Variants in NRCAM observed in about 807,000 individuals in gnomAD.
NRCAM encodes neuronal cell adhesion molecule.
Under a neutral mutation model 156.5 loss-of-function variants are expected in NRCAM, and 83 were observed. The observed-to-expected ratio is 0.53, with a 90% confidence interval of 0.44 to 0.64. The LOEUF is 0.64. Among genes scored for constraint, NRCAM ranks in the 30% least tolerant of loss-of-function variants. The pLI is 0.00. For missense variants in NRCAM, 1,417 were observed against 1,597.3 expected (o/e 0.89, Z 1.92); for synonymous variants, 538 against 563.9 (o/e 0.95, Z 0.65).
chr7:108,175,165 G>A (rs1174756928), intron 28 of NRCAM, among the ~76,000 whole-genome samples, 157 bp downstream of exon 28: 1 of 152,162 alleles, frequency 6.6e-6, no homozygotes, highest in African/African-American at 2.4e-5. Flanking sequence ...TGTAAAGAAA[G>A]GACTAGAAAT....
chr7:108,200,502 G>A (rs1331823716), intron 13 of NRCAM, among the ~76,000 whole-genome samples: 2 of 152,130 alleles, frequency 1.3e-5, no homozygotes, highest in Admixed American at 1.3e-4. Context: ...CCCAAGTCTT[G>A]TATGACTGGG....
chr7:108,330,598 T>C (rs1488284103), intron 2 of NRCAM, among the ~76,000 whole-genome samples: 1 of 152,136 alleles, frequency 6.6e-6, no homozygotes, highest in African/African-American at 2.4e-5. Flanking sequence ...AACAGGCTCC[T>C]CACAATCTAT....
intron 3 of NRCAM, among the ~76,000 whole-genome samples, chr7:108,246,459 G>A (rs555643008): frequency 6.6e-6 from 1 of 152,202 alleles, no homozygotes; most frequent in Non-Finnish European, 1.5e-5. Context: ...CAGCGGTTTG[G>A]AGCAGGAACA....
At chr7:108,335,416 G>A (rs2099168939) in intron 2 of NRCAM, among the ~76,000 whole-genome samples, 1 of 128,668 alleles carries the variant, frequency 7.8e-6, no homozygotes, top group Non-Finnish European at 1.6e-5. Context: ...TTCATGTCCT[G>A]TGGATCTGTT....
intron 3 of NRCAM, among the ~76,000 whole-genome samples, chr7:108,299,574 T>A (rs1482410494): frequency 1.3e-5 from 2 of 152,212 alleles, no homozygotes; most frequent in African/African-American, 4.8e-5. Flanking sequence ...TTGCACCTAT[T>A]TATTCTCTGC....
At chr7:108,385,902 A>AGAGAGAGGGAGGGAGGGAGGGAGG (rs2099739203) in intron 2 of NRCAM, among the ~76,000 whole-genome samples, 1 of 121,398 alleles carries the variant, frequency 8.2e-6, no homozygotes, top group Admixed American at 8.7e-5. Flanking sequence ...CTGTCTATGG[A>AGAGAGAGGGAGGGAGGGAGGGAGG]GAGAGAGGGA....
At chr7:108,389,381 C>T (rs1453676946) in intron 2 of NRCAM, among the ~76,000 whole-genome samples, 1 of 152,116 alleles carries the variant, frequency 6.6e-6, no homozygotes, top group African/African-American at 2.4e-5. Flanking sequence ...TATAGGAATG[C>T]TTGTGATTTT....
chr7:108,384,005 A>AAGGATAAT (rs2099721695), intron 2 of NRCAM, among the ~76,000 whole-genome samples: 2 of 152,146 alleles, frequency 1.3e-5, no homozygotes, highest in South Asian at 4.1e-4. Context: ...TTAGTTCACC[A>AAGGATAAT]AGGATAATAG....
At chr7:108,176,708 T>C (rs1428405654) in intron 26 of NRCAM, 102 bp from the exon 27 acceptor site, 17 of 865,368 alleles carry the variant, frequency 2.0e-5, no homozygotes, top group East Asian at 1.9e-4. Flanking sequence ...CTGGCTTACA[T>C]TGACTTTTAT....
rs568313744 is a variant in NRCAM, at chr7:108,259,581, A to T, written c.-106-19411T>A. 2.5e-3 allele frequency among the ~76,000 whole-genome samples: 383 copies of T among 152,332 alleles called. 5 individuals are homozygous for T. The highest frequency in any genetic ancestry group is 3.7e-3 in the Non-Finnish European group (254 of 68,026). ...CAGCACTATTCACAATAGCAAGGAG[A>T]TGGAATCAACCCAAATGTCCATCAG... On this transcript the variant is annotated intron_variant, in intron 3 of 32. Coordinates refer to ENST00000379028, the MANE Select transcript of NRCAM (RefSeq NM_001037132.4).
intron 3 of NRCAM, among the ~76,000 whole-genome samples, chr7:108,269,886 G>A (rs1289929617): frequency 6.6e-6 from 1 of 152,146 alleles, no homozygotes; most frequent in Non-Finnish European, 1.5e-5. Flanking sequence ...AAATTTTCTA[G>A]CCATGTAAAA....
At position 108,284,501 on chromosome 7, in the gene NRCAM, G is replaced by A. The variant is rs117709557; in HGVS notation, c.-107+28164C>T. Among the ~76,000 whole-genome samples, 192 of 152,184 alleles carry A rather than the reference G, an allele frequency of 1.3e-3. 4 individuals are homozygous for A. In the East Asian group the frequency reaches 0.031, roughly 25 times the overall value. ...TAATCACATGACTCCTCTGCTCAGGGCCCTGCGGTTCCCAAGTTAATGTTC... is the reference window on the plus strand; with the variant it reads ...TAATCACATGACTCCTCTGCTCAGGACCCTGCGGTTCCCAAGTTAATGTTC... On this transcript the variant is annotated intron_variant, in intron 3 of 32. Coordinates refer to ENST00000379028, the MANE Select transcript of NRCAM (RefSeq NM_001037132.4).
rs566525831 is a variant in NRCAM, at chr7:108,162,388, C to G, written c.3467-1896G>C. Among the ~76,000 whole-genome samples, 5 of 152,298 alleles carry G rather than the reference C, an allele frequency of 3.3e-5. No individual in the cohort carries two copies. The East Asian group carries it at 9.6e-4, about 29-fold the overall frequency. ...TAATGCCTGGTCTGTGCTTTTTCTT[C>G]AAAACTGAACCAAAAACCAAATGGC... is the stretch of plus-strand genomic sequence containing the variant. On this transcript the variant is annotated intron_variant, in intron 30 of 32. Transcript: ENST00000379028.
rs1484376686 is a variant in NRCAM, at chr7:108,150,654, TTTG to T, written c.3678-510_3678-508del. 6 of 509,236 alleles carry T rather than the reference TTTG, an allele frequency of 1.2e-5. No homozygotes were observed. The Admixed American group carries it at 1.2e-4, about 10-fold the overall frequency. 31.5% of individuals were successfully genotyped at this position (509,236 alleles called of 1,614,324 possible). A position where few individuals can be genotyped will look rare whatever the true frequency, so the allele number is the denominator to read the frequency against. On this transcript the variant is annotated intron_variant, in intron 32 of 32. Transcript: ENST00000379028. The stretch of plus-strand genomic sequence containing the variant: ...AGCAAAATCCTGCATTTCAAATAAT[TTTG>T]TTATCAATGCAGGCCAGACTGTAAA...
chr7:108,180,385 G>A lies in NRCAM; in HGVS notation c.2689C>T (p.Arg897Cys). The A allele has an allele frequency of 1.9e-6, 3 of 1,614,174 alleles. No homozygotes were observed. The highest frequency in any genetic ancestry group is 2.5e-6 in the Non-Finnish European group (3 of 1,179,998). Residue 897 changes from arginine to cysteine, a missense_variant, in exon 25 of 33, where the codon CGT becomes TGT. Arg to Cys is a radical substitution (Grantham distance 180). Transcript: ENST00000379028. ...KTQSSSKRNR[R>C]HIEKKILTFQ... ...GTGAGGATCTTTTTCTCAATGTGACGTCTGTTTCTTTTAGATGAACTCTGG... is the reference window on the plus strand; with the variant it reads ...GTGAGGATCTTTTTCTCAATGTGACATCTGTTTCTTTTAGATGAACTCTGG...
At chr7:108,440,243 A>G (rs1598170300) in intron 1 of NRCAM, among the ~76,000 whole-genome samples, 1 of 152,196 alleles carries the variant, frequency 6.6e-6, no homozygotes, top group African/African-American at 2.4e-5. Flanking sequence ...CAGACACAAA[A>G]GATTCTATAG....
rs190994702 is a variant in NRCAM, at chr7:108,380,288, T to C, written c.-174+19148A>G. On this transcript the variant is annotated intron_variant, in intron 2 of 32. Coordinates refer to ENST00000379028, the MANE Select transcript of NRCAM (RefSeq NM_001037132.4). ...AAATATTTAAAGTTATGTAACAATT[T>C]AGAAGGAGTTTACCTATTATTTTCT... is the stretch of plus-strand genomic sequence containing the variant. Among the ~76,000 whole-genome samples, 46 of 152,312 alleles carry C rather than the reference T, an allele frequency of 3.0e-4. No individual in the cohort carries two copies. The East Asian group carries it at 7.5e-3, about 25-fold the overall frequency.
At chr7:108,426,435 C>A (rs1332732214) in intron 1 of NRCAM, among the ~76,000 whole-genome samples, 1 of 152,184 alleles carries the variant, frequency 6.6e-6, no homozygotes, top group African/African-American at 2.4e-5. Flanking sequence ...ATAAAGCATT[C>A]AAATGCCTAA....
Position 108,446,940 on chromosome 7 carries a change from G to A in NRCAM, c.-332+9303C>T, listed in dbSNP as rs562732614. ...AGATGGGGTTTCACCATGTTGGCCAGGCTGGTCTCAAATTCCCGACCTCAA... is the reference window on the plus strand; with the variant it reads ...AGATGGGGTTTCACCATGTTGGCCAAGCTGGTCTCAAATTCCCGACCTCAA... On this transcript the variant is annotated intron_variant, in intron 1 of 32. Coordinates refer to ENST00000379028, the MANE Select transcript of NRCAM (RefSeq NM_001037132.4). Among the ~76,000 whole-genome samples the A allele has an allele frequency of 3.8e-4, 57 of 151,946 alleles. No homozygotes were observed. The Middle Eastern group carries it at 0.031, about 82-fold the overall frequency.
Sources: gnomAD v4.1 joint callset for allele counts (sites outside exome capture counted in the v4.1 genomes callset) on GRCh38, gnomAD v4.1.1 for gene constraint, MANE v1.5 for transcripts, NCBI Gene and HGNC (gene_info 2026-07-23, HGNC 2026-07-21) for gene names.